ZNF423: variants seen among roughly 807,000 people sequenced by gnomAD.
ZNF423 encodes Ebf-associated zinc finger protein.
ZNF423 carries 12 observed loss-of-function variants against 95.8 expected under a neutral mutation model. The ratio of observed to expected loss-of-function variants is 0.13; its 90% CI spans 0.08 to 0.20. The LOEUF (loss-of-function observed/expected upper bound fraction) is 0.20, where lower values mean the gene tolerates loss of function less well. Among genes scored for constraint, ZNF423 ranks in the 10% least tolerant of loss-of-function variants. The pLI, the probability that ZNF423 is intolerant of heterozygous loss-of-function variation, is 1.00. For missense variants in ZNF423, 1,316 were observed against 1,737.1 expected (o/e 0.76, Z 4.31); for synonymous variants, 749 against 711.9 (o/e 1.05, Z -0.83).
intron 2 of ZNF423, among the ~76,000 whole-genome samples, chr16:49,778,542 C>A (rs1352208797): frequency 6.6e-6 from 1 of 152,150 alleles, no homozygotes; most frequent in Non-Finnish European, 1.5e-5. Flanking sequence ...AACCCCCACC[C>A]CACCTGGCCT....
chr16:49,610,621 T>C (rs1364098142), intron 5 of ZNF423, among the ~76,000 whole-genome samples: 1 of 151,792 alleles, frequency 6.6e-6, no homozygotes, highest in Non-Finnish European at 1.5e-5. Context: ...AAACCACAAA[T>C]GAAAAACAGA....
intron 2 of ZNF423, among the ~76,000 whole-genome samples, chr16:49,766,401 C>G (rs2033929455): frequency 6.6e-6 from 1 of 152,184 alleles, no homozygotes; most frequent in Non-Finnish European, 1.5e-5. Flanking sequence ...CCCAGGAAAA[C>G]AAGGTTTGTG....
In ZNF423 at chr16:49,850,619, C is replaced by A. The variant is rs28633718; in HGVS notation, c.40+5116G>T. Among the ~76,000 whole-genome samples the A allele has an allele frequency of 4.6e-5, 7 of 152,212 alleles. No homozygotes were observed. The East Asian group carries it at 1.3e-3, about 29-fold the overall frequency. ...TTGCTTCAGCCAGTGGCCAGGAAAG[C>A]CAAGTCCATCCTAACCTATGTCAAA... On this transcript the variant is annotated intron_variant, in intron 1 of 7. Coordinates refer to ENST00000563137, the MANE Select transcript of ZNF423 (RefSeq NM_001379286.1).
At chr16:49,582,315 T>A (rs1205793895) in intron 5 of ZNF423, among the ~76,000 whole-genome samples, 1 of 152,176 alleles carries the variant, frequency 6.6e-6, no homozygotes, top group Non-Finnish European at 1.5e-5. Flanking sequence ...TCCAAGCCAC[T>A]CTTCAAAACC....
intron 5 of ZNF423, among the ~76,000 whole-genome samples, chr16:49,607,705 A>AT (rs1301006271): frequency 6.6e-6 from 1 of 152,262 alleles, no homozygotes; most frequent in African/African-American, 2.4e-5. Context: ...CATGTTGACA[A>AT]TTTGCATTTG....
chr16:49,550,427 C>A (rs972258217), intron 5 of ZNF423, among the ~76,000 whole-genome samples: 4 of 152,240 alleles, frequency 2.6e-5, no homozygotes, highest in African/African-American at 9.6e-5. Context: ...TAATGGGTTG[C>A]AGCCTGCAAT....
intron 2 of ZNF423, among the ~76,000 whole-genome samples, chr16:49,739,695 G>GTTTT (rs1567321248): frequency 1.5e-5 from 2 of 132,732 alleles, no homozygotes; most frequent in Non-Finnish European, 1.6e-5. Flanking sequence ...GTTTTTGTTT[G>GTTTT]GTTTTTTTTT....
At chr16:49,599,906 G>C (rs367973049) in intron 5 of ZNF423, among the ~76,000 whole-genome samples, 2 of 152,330 alleles carry the variant, frequency 1.3e-5, no homozygotes, top group South Asian at 2.1e-4. Context: ...TACCGGTGAG[G>C]AGGAAGTGCT....
chr16:49,607,775 C>T (rs1447717723), intron 5 of ZNF423, among the ~76,000 whole-genome samples: 2 of 152,216 alleles, frequency 1.3e-5, no homozygotes, highest in Non-Finnish European at 2.9e-5. Context: ...AACATCCACC[C>T]CTTTCCATTA....
chr16:49,548,498 A>C (rs1222269527), intron 5 of ZNF423, among the ~76,000 whole-genome samples: 1 of 152,028 alleles, frequency 6.6e-6, no homozygotes, highest in East Asian at 1.9e-4. Flanking sequence ...TACTAGTTGT[A>C]AATTATGTTG....
chr16:49,780,102 A>AC (rs2034185710), intron 2 of ZNF423, among the ~76,000 whole-genome samples: 1 of 152,218 alleles, frequency 6.6e-6, no homozygotes, highest in African/African-American at 2.4e-5. Context: ...GGGTAGAGGT[A>AC]CAGGAGGAAA....
At chr16:49,662,405 C>T (rs2030285830) in intron 3 of ZNF423, among the ~76,000 whole-genome samples, 1 of 152,170 alleles carries the variant, frequency 6.6e-6, no homozygotes, top group Non-Finnish European at 1.5e-5. Context: ...AACCATCCTC[C>T]AAGAGGAAGG....
At chr16:49,696,800 G>A (rs1259992752) in intron 3 of ZNF423, among the ~76,000 whole-genome samples, 5 of 152,162 alleles carry the variant, frequency 3.3e-5, no homozygotes, top group Admixed American at 6.5e-5. Flanking sequence ...GTGGCTGCCC[G>A]CCATGCAGGC....
intron 2 of ZNF423, among the ~76,000 whole-genome samples, chr16:49,738,677 C>T (rs1411571376): frequency 6.6e-6 from 1 of 151,912 alleles, no homozygotes; most frequent in Non-Finnish European, 1.5e-5. Flanking sequence ...ACCAGTGGAG[C>T]GGAGAAAGTG....
In ZNF423 at chr16:49,487,898, C is replaced by T. The variant is rs1238481647; in HGVS notation, c.*3377G>A. The stretch of plus-strand genomic sequence containing the variant: ...GCACCCCTGTGTCTCATACACGGGT[C>T]CCTCCATTAATCCCTGGCAGCTTCT... On this transcript the variant is annotated 3_prime_UTR_variant, in exon 8 of 8. Transcript: ENST00000563137. 1.3e-5 allele frequency: 2 copies of T among 152,276 alleles called. No individual in the cohort carries two copies. The highest frequency in any genetic ancestry group is 2.1e-4 in the South Asian group (1 of 4,830). 9.4% of individuals were successfully genotyped at this position (152,276 alleles called of 1,614,324 possible).
At chr16:49,733,748 T>C (rs2033222561) in intron 2 of ZNF423, among the ~76,000 whole-genome samples, 1 of 151,970 alleles carries the variant, frequency 6.6e-6, no homozygotes, top group South Asian at 2.1e-4. Context: ...CAGGGAAGAC[T>C]CAGGGGCCTG....
intron 3 of ZNF423, among the ~76,000 whole-genome samples, chr16:49,653,877 C>T (rs2151907013): frequency 6.6e-6 from 1 of 152,338 alleles, no homozygotes; most frequent in African/African-American, 2.4e-5. Flanking sequence ...CCTGTGTCTC[C>T]TGCATCTTTC....
At chr16:49,682,432 G>A (rs567210125) in intron 3 of ZNF423, among the ~76,000 whole-genome samples, 272 of 152,324 alleles carry the variant, frequency 1.8e-3, no homozygotes, top group Non-Finnish European at 2.8e-3. Context: ...GCCAAGGGAT[G>A]CCAGATCCTC....
At chr16:49,661,857 G>C (rs2030247604) in intron 3 of ZNF423, among the ~76,000 whole-genome samples, 1 of 152,148 alleles carries the variant, frequency 6.6e-6, no homozygotes, top group South Asian at 2.1e-4. Flanking sequence ...TGTAAACCAG[G>C]ATACGTTAAT....
Sources: allele counts gnomAD v4.1 joint callset (sites outside exome capture counted in the v4.1 genomes callset), GRCh38; gene constraint gnomAD v4.1.1; transcripts MANE v1.5; gene names NCBI Gene and HGNC (gene_info 2026-07-23, HGNC 2026-07-21).